The following FHIT variants were observed in gnomAD, a reference collection of about 807,000 sequenced individuals.
FHIT encodes the protein fragile histidine triad diadenosine triphosphatase.
Under a neutral mutation model 17.9 loss-of-function variants are expected in FHIT, and 19 were observed. The ratio of observed to expected loss-of-function variants is 1.06; its 90% CI spans 0.74 to 1.56. The LOEUF is 1.56. Ranked by LOEUF, FHIT falls within the 40% of genes most tolerant of loss-of-function variation. FHIT has a pLI of 0.00. For synonymous variants in FHIT, 81 were observed against 69.7 expected (o/e 1.16, Z -0.81); for missense variants, 248 against 189.2 (o/e 1.31, Z -1.82).
intron 4 of FHIT, among the ~76,000 whole-genome samples, chr3:60,805,456 C>G (rs1701350056): frequency 6.6e-6 from 1 of 152,124 alleles, no homozygotes. Flanking sequence ...CCCCTAGTAT[C>G]TCCTCTTCTT....
At chr3:60,752,599 C>A (rs1017580021) in intron 4 of FHIT, among the ~76,000 whole-genome samples, 1 of 152,142 alleles carries the variant, frequency 6.6e-6, no homozygotes, top group East Asian at 1.9e-4. Context: ...AACCCACAAC[C>A]CTGGATACAT....
At chr3:59,849,518 C>A (rs1451697980) in intron 8 of FHIT, among the ~76,000 whole-genome samples, 1 of 152,112 alleles carries the variant, frequency 6.6e-6, no homozygotes, top group Non-Finnish European at 1.5e-5. Flanking sequence ...TGCAAACTAC[C>A]CTAGGCCTCC....
intron 4 of FHIT, among the ~76,000 whole-genome samples, chr3:60,665,172 T>C (rs192075002): frequency 1.6e-4 from 25 of 152,144 alleles, no homozygotes; most frequent in Middle Eastern, 3.4e-3. Flanking sequence ...AAAAATTTGC[T>C]AAGCATTTTT....
chr3:60,327,515 G>A (rs949619340), intron 5 of FHIT, among the ~76,000 whole-genome samples: 3 of 152,216 alleles, frequency 2.0e-5, no homozygotes, highest in African/African-American at 7.2e-5. Context: ...CAGAGGACCA[G>A]ATGTGGCCCA....
intron 5 of FHIT, among the ~76,000 whole-genome samples, chr3:60,197,004 T>C (rs1396526247): frequency 1.3e-5 from 2 of 152,076 alleles, no homozygotes; most frequent in East Asian, 1.9e-4. Context: ...GCACCCCAAA[T>C]AGATAGATAC....
At chr3:60,868,591 C>A (rs1463808977) in intron 3 of FHIT, among the ~76,000 whole-genome samples, 1 of 152,128 alleles carries the variant, frequency 6.6e-6, no homozygotes, top group Non-Finnish European at 1.5e-5. Context: ...ATTTTCCAAT[C>A]AATTCATGAG....
At chr3:60,552,984 G>C (rs1263709220) in intron 4 of FHIT, among the ~76,000 whole-genome samples, 1 of 152,152 alleles carries the variant, frequency 6.6e-6, no homozygotes, top group Non-Finnish European at 1.5e-5. Flanking sequence ...GTCTGAGTGA[G>C]AAGGTATGTA....
chr3:60,828,672 G>A (rs1456862230), intron 3 of FHIT, among the ~76,000 whole-genome samples: 1 of 152,076 alleles, frequency 6.6e-6, no homozygotes, highest in African/African-American at 2.4e-5. Context: ...GAGGTCAGGA[G>A]TTTGAGACCA....
intron 8 of FHIT, among the ~76,000 whole-genome samples, chr3:59,765,247 T>G (rs1364071470): frequency 3.9e-5 from 6 of 152,196 alleles, no homozygotes; most frequent in African/African-American, 1.4e-4. Context: ...AGGACAACGA[T>G]AAAAATGCTT....
chr3:61,092,469 C>T (rs995843501), intron 2 of FHIT, among the ~76,000 whole-genome samples: 29 of 151,758 alleles, frequency 1.9e-4, no homozygotes, highest in Non-Finnish European at 4.0e-4. Flanking sequence ...AGCAAAAAGG[C>T]CCCAGAGCTC....
At chr3:60,927,473 C>T (rs1428738895) in intron 3 of FHIT, among the ~76,000 whole-genome samples, 1 of 152,166 alleles carries the variant, frequency 6.6e-6, no homozygotes, top group African/African-American at 2.4e-5. Context: ...AGCCCCTCTG[C>T]CTGGCCACCC....
At chr3:59,820,247 T>C (rs1700740971) in intron 8 of FHIT, among the ~76,000 whole-genome samples, 1 of 152,234 alleles carries the variant, frequency 6.6e-6, no homozygotes, top group Non-Finnish European at 1.5e-5. Flanking sequence ...ACTTGGATTT[T>C]AGTCCAACAA....
intron 8 of FHIT, among the ~76,000 whole-genome samples, chr3:59,921,534 C>T (rs1347805162): frequency 6.6e-6 from 1 of 152,218 alleles, no homozygotes; most frequent in African/African-American, 2.4e-5. Flanking sequence ...TTCCTTGCAT[C>T]CACAAACAGC....
chr3:60,029,973 T>G (rs1700933231), intron 5 of FHIT, among the ~76,000 whole-genome samples: 1 of 149,932 alleles, frequency 6.7e-6, no homozygotes, highest in African/African-American at 2.5e-5. Flanking sequence ...TGCAGAGTCT[T>G]TTATGATAGT....
At chr3:59,991,697 G>C (rs1029460605) in intron 7 of FHIT, among the ~76,000 whole-genome samples, 2 of 151,982 alleles carry the variant, frequency 1.3e-5, no homozygotes, top group Non-Finnish European at 2.9e-5. Context: ...CCTGGCTCCT[G>C]AATCTTTTTA....
At chr3:60,056,395 C>T (rs1324369846) in intron 5 of FHIT, among the ~76,000 whole-genome samples, 1 of 152,130 alleles carries the variant, frequency 6.6e-6, no homozygotes, top group Non-Finnish European at 1.5e-5. Flanking sequence ...ATAAAATGCT[C>T]CTTTTGTTTT....
At chr3:60,428,406 T>C (rs1243435030) in intron 5 of FHIT, among the ~76,000 whole-genome samples, 2 of 152,152 alleles carry the variant, frequency 1.3e-5, no homozygotes, top group African/African-American at 2.4e-5. Context: ...AGGCCTTCAA[T>C]TCTTCTTCCT....
intron 5 of FHIT, among the ~76,000 whole-genome samples, chr3:60,402,382 T>C (rs1054913861): frequency 2.6e-5 from 4 of 152,220 alleles, no homozygotes; most frequent in Non-Finnish European, 5.9e-5. Context: ...TGGCCCCCAC[T>C]AATTTTCCCA....
At chr3:61,083,250 G>A (rs1434060378) in intron 2 of FHIT, among the ~76,000 whole-genome samples, 1 of 152,160 alleles carries the variant, frequency 6.6e-6, no homozygotes, top group East Asian at 1.9e-4. Context: ...CCACAGAGTT[G>A]TGTAACAATC....
Sources: gnomAD v4.1 joint callset for allele counts (sites outside exome capture counted in the v4.1 genomes callset) on GRCh38, gnomAD v4.1.1 for gene constraint, MANE v1.5 for transcripts, NCBI Gene and HGNC (gene_info 2026-07-23, HGNC 2026-07-21) for gene names.